The following XRCC1 variants were observed in gnomAD, a reference collection of about 807,000 sequenced individuals.
XRCC1 encodes X-ray repair cross complementing 1, also known as DNA repair protein XRCC1.
XRCC1 carries 52 observed loss-of-function variants against 83.3 expected under a neutral mutation model. The ratio of observed to expected loss-of-function variants is 0.62; its 90% CI spans 0.50 to 0.79. The LOEUF is 0.79. Ranked by LOEUF, XRCC1 falls within the 30% of genes least tolerant of loss-of-function variation. XRCC1 has a pLI of 0.00. For synonymous variants in XRCC1, 281 were observed against 312.6 expected, an observed-to-expected ratio of 0.90 and a Z score of 1.07; for missense variants, 793 against 823.5, an observed-to-expected ratio of 0.96 and a Z score of 0.45.
chr19:43,550,656 C>G (rs1905260511), intron 10 of XRCC1, among the ~76,000 whole-genome samples: 1 of 152,158 alleles, frequency 6.6e-6, no homozygotes, highest in Non-Finnish European at 1.5e-5. Context: ...TTCCTAATGC[C>G]CCAGTCCCAT....
intron 3 of XRCC1, among the ~76,000 whole-genome samples, chr19:43,560,081 CA>C (rs897586061): frequency 2.0e-5 from 3 of 148,216 alleles, no homozygotes; most frequent in East Asian, 2.0e-4. Flanking sequence ...AACCCTGTCT[CA>C]AAAAAAAATG....
At chr19:43,572,439 AAGAGGAAG>A (rs1972814226) in intron 2 of XRCC1, among the ~76,000 whole-genome samples, 1 of 152,226 alleles carries the variant, frequency 6.6e-6, no homozygotes, top group Non-Finnish European at 1.5e-5. Flanking sequence ...GTCACCGATT[AAGAGGAAG>A]AGCTGGGGGC....
intron 2 of XRCC1, among the ~76,000 whole-genome samples, chr19:43,565,268 T>C (rs1281703358): frequency 6.6e-6 from 1 of 152,174 alleles, no homozygotes; most frequent in Non-Finnish European, 1.5e-5. Flanking sequence ...TGGCTAAGCA[T>C]GGGCCGGGCA....
chr19:43,553,877 G>C (rs1972608467), intron 4 of XRCC1, 194 bp from the exon 5 acceptor site: 2 of 515,020 alleles, frequency 3.9e-6, no homozygotes, highest in Admixed American at 6.6e-5. Flanking sequence ...CTCTGAGTCT[G>C]GCTCCAAGCC....
chr19:43,547,054 C>T, intron 10 of XRCC1, 77 bp from the exon 11 acceptor site: 1 of 1,397,768 alleles, frequency 7.2e-7, no homozygotes, highest in Non-Finnish European at 1.0e-6. Context: ...CAGCCATTGG[C>T]ATTTACTAAA....
chr19:43,574,912 G>C lies in XRCC1; in HGVS notation c.142C>G (p.Gln48Glu). 1 of 1,613,686 alleles carries C rather than the reference G, an allele frequency of 6.2e-7. No homozygotes were observed. Among genetic ancestry groups the C allele is most frequent in the Non-Finnish European group, 8.5e-7 (1 of 1,179,576 alleles). The change falls in exon 2 of 17, where the codon CAG becomes GAG. Residue 48 changes from glutamine (Q) to glutamate (E), a missense_variant and splice_region_variant. Physicochemically the swap from Gln to Glu is conservative, Grantham distance 29. Transcript: ENST00000262887. ...AGEKTISVVL[Q>E]LEKEEQIHSV... ...AGGAGGTGGGGTGGCAGGATCACCTGTAGGACCACAGAGATGGTCTTCTCG... is the reference window on the plus strand; with the variant it reads ...AGGAGGTGGGGTGGCAGGATCACCTCTAGGACCACAGAGATGGTCTTCTCG...
chr19:43,568,727 AG>A (rs1972778519), intron 2 of XRCC1, among the ~76,000 whole-genome samples: 2 of 151,882 alleles, frequency 1.3e-5, no homozygotes, highest in Non-Finnish European at 2.9e-5. Flanking sequence ...TGGTTGCATC[AG>A]GAGAGAAGAA....
At position 43,546,620 on chromosome 19, in the gene XRCC1, A is replaced by G. The variant is rs777166285; in HGVS notation, c.1401T>C (p.Asp467=). The G allele has an allele frequency of 1.9e-5, 31 of 1,610,834 alleles. No individual in the cohort carries two copies. The East Asian group carries it at 6.2e-4, about 32-fold the overall frequency. ...TKAASPVLQE[D]IDIEGVQSEG... ...CTGACTGTACCCCCTCAATGTCTAT[A>G]TCTTCCTGGAGCACTGGTGAGGCTG... Residue 467 remains aspartate (D), a synonymous_variant, in exon 12 of 17, where the codon GAT becomes GAC. Coordinates refer to ENST00000262887, the MANE Select transcript of XRCC1 (RefSeq NM_006297.3).
At position 43,564,623 on chromosome 19, in the gene XRCC1, T is replaced by C. The variant is rs2021093; in HGVS notation, c.145-3603A>G. Among the ~76,000 whole-genome samples the C allele has an allele frequency of 1.1e-3, 169 of 152,030 alleles. 1 individual carries two copies. The highest frequency in any genetic ancestry group is 2.1e-3 in the Non-Finnish European group (143 of 67,984). ...GACCAAAATGCAGAAACTCCGTCTC[T>C]ACTAAAAATACAAAATTAGCCAGGC... On this transcript the variant is annotated intron_variant, in intron 2 of 16. Transcript: ENST00000262887.
At chr19:43,574,695 C>A in intron 2 of XRCC1, 1 of 565,776 alleles carries the variant, frequency 1.8e-6, no homozygotes, top group Non-Finnish European at 3.2e-6. Flanking sequence ...TGCCCAGGAC[C>A]ACACACTGAT....
chr19:43,564,551 G>C (rs1972733067), intron 2 of XRCC1, among the ~76,000 whole-genome samples: 1 of 152,168 alleles, frequency 6.6e-6, no homozygotes, highest in Admixed American at 6.5e-5. Flanking sequence ...AACTTTGGGA[G>C]ACTGAGGCAG....
At chr19:43,544,533 GACTC>G (rs956646726) in intron 14 of XRCC1, among the ~76,000 whole-genome samples, 4 of 151,416 alleles carry the variant, frequency 2.6e-5, no homozygotes, top group Non-Finnish European at 5.9e-5. Context: ...TTAAGACAAG[GACTC>G]ACTCTGTCGC....
rs45592142 is a variant in XRCC1 at position 43,543,341 on chromosome 19, C to CGTGTGTGTGTGTGTGTGTGTGTGT, written c.*27_*50dup. ...ACCAACTCATCTTTATTAAATGCAT[C>CGTGTGTGTGTGTGTGTGTGTGTGT]GTGTGTGTGTGTGTGTGTGTGTGTG... On this transcript the variant is annotated 3_prime_UTR_variant, in exon 17 of 17. Transcript: ENST00000262887. 8.6e-5 allele frequency: 90 copies of CGTGTGTGTGTGTGTGTGTGTGTGT among 1,044,556 alleles called. No homozygotes were observed. The African/African-American group carries it at 1.5e-3, about 18-fold the overall frequency. 64.7% of individuals were successfully genotyped at this position (1,044,556 alleles called of 1,614,324 possible).
At chr19:43,544,011 C>T in intron 15 of XRCC1, 133 bp downstream of exon 15, 1 of 897,248 alleles carries the variant, frequency 1.1e-6, no homozygotes, top group Non-Finnish European at 1.7e-6. Flanking sequence ...ATGACCTGTG[C>T]CCACCTGCTG....
At chr19:43,551,780 C>A (rs1205383541) in intron 9 of XRCC1, 93 bp from the exon 10 acceptor site, 1 of 1,002,314 alleles carries the variant, frequency 1.0e-6, no homozygotes, top group African/African-American at 1.6e-5. Context: ...GAGAGAGAGA[C>A]AGACAGACAG....
At chr19:43,567,876 CTT>C (rs71336880) in intron 2 of XRCC1, among the ~76,000 whole-genome samples, 159 of 124,640 alleles carry the variant, frequency 1.3e-3, no homozygotes, top group East Asian at 4.9e-3. Context: ...GCAATCTTTT[CTT>C]TTTTTTTTTT....
chr19:43,553,665 T>C lies in XRCC1; in HGVS notation c.433A>G (p.Ser145Gly). 1 of 1,504,706 alleles carries C rather than the reference T, an allele frequency of 6.6e-7. No homozygotes were observed. Among genetic ancestry groups the C allele is most frequent in the Non-Finnish European group, 8.9e-7 (1 of 1,118,960 alleles). The allele number at this position is 1,504,706 out of a possible 1,614,324, so 93.2% of individuals were successfully genotyped here. The change falls in exon 5 of 17, where the codon AGT becomes GGT. Residue 145 changes from serine (S) to glycine (G), a missense_variant. Ser to Gly is a moderately conservative substitution (Grantham distance 56). Transcript: ENST00000262887. ...PYSKDSPFGL[S>G]FVRFHSPPDK... ...GGGGGGCTATGAAACCGTACAAAAC[T>C]CAAGCCAAAGGGGGAGTCCTGGGAA...
intron 2 of XRCC1, among the ~76,000 whole-genome samples, chr19:43,566,019 TG>T (rs1204335748): frequency 2.0e-5 from 3 of 152,022 alleles, no homozygotes; most frequent in African/African-American, 7.3e-5. Context: ...GCAGATCACT[TG>T]AGGCCAGGAG....
intron 4 of XRCC1, among the ~76,000 whole-genome samples, chr19:43,554,194 CTG>C (rs1972611933): frequency 6.6e-6 from 1 of 152,212 alleles, no homozygotes; most frequent in Non-Finnish European, 1.5e-5. Flanking sequence ...TCCAGTCTCA[CTG>C]TTACCACAGC....
Sources: gnomAD v4.1 joint callset for allele counts (sites outside exome capture counted in the v4.1 genomes callset) on GRCh38, gnomAD v4.1.1 for gene constraint, MANE v1.5 for transcripts, NCBI Gene and HGNC (gene_info 2026-07-23, HGNC 2026-07-21) for gene names.